NEK11: variants seen among roughly 807,000 people sequenced by gnomAD.
NEK11 encodes serine/threonine-protein kinase Nek11.
A neutral mutation model predicts 80.7 loss-of-function variants in NEK11; 72 were observed. That is an observed-to-expected ratio of 0.89 (90% CI 0.74 to 1.08). The LOEUF is 1.08. Among genes scored for constraint, NEK11 ranks in the 50% least tolerant of loss-of-function variants. NEK11 has a pLI of 0.00. For missense variants in NEK11, 764 were observed against 763.6 expected (o/e 1.00, Z -0.01); for synonymous variants, 251 against 260.7 (o/e 0.96, Z 0.36).
chr3:131,225,233 T>G (rs139759310), intron 14 of NEK11, among the ~76,000 whole-genome samples: 31 of 152,346 alleles, frequency 2.0e-4, no homozygotes, highest in African/African-American at 6.5e-4. Context: ...ACCACTGTAT[T>G]ACAATTGTCT....
intron 17 of NEK11, among the ~76,000 whole-genome samples, chr3:131,287,981 T>C (rs1363144868): frequency 6.6e-6 from 1 of 152,174 alleles, no homozygotes; most frequent in Non-Finnish European, 1.5e-5. Context: ...CCAATATTCA[T>C]AAAAAACCTG....
chr3:131,306,002 T>TA (rs1365514271), intron 17 of NEK11, among the ~76,000 whole-genome samples: 1 of 152,208 alleles, frequency 6.6e-6, no homozygotes, highest in East Asian at 1.9e-4. Flanking sequence ...CCTTGTTTTT[T>TA]ATCTCTAGCA....
intron 4 of NEK11, among the ~76,000 whole-genome samples, chr3:131,090,613 GAGAA>G (rs1242068889): frequency 6.6e-6 from 1 of 152,154 alleles, no homozygotes; most frequent in African/African-American, 2.4e-5. Flanking sequence ...AGACAGCTTA[GAGAA>G]AGAAAGTAAT....
At chr3:131,119,803 A>ATGTTT (rs2082047231) in intron 5 of NEK11, among the ~76,000 whole-genome samples, 2 of 151,028 alleles carry the variant, frequency 1.3e-5, no homozygotes, top group African/African-American at 4.9e-5. Flanking sequence ...CCCTGCTTTT[A>ATGTTT]TGTTTTGTTT....
intron 14 of NEK11, among the ~76,000 whole-genome samples, chr3:131,209,701 G>C (rs949741804): frequency 1.3e-5 from 2 of 152,124 alleles, no homozygotes; most frequent in Admixed American, 6.5e-5. Flanking sequence ...CTTCTTCCTG[G>C]TTTAGTCTTG....
chr3:131,055,992 A>G (rs1240199172), intron 3 of NEK11, among the ~76,000 whole-genome samples: 4 of 152,184 alleles, frequency 2.6e-5, no homozygotes, highest in African/African-American at 4.8e-5. Flanking sequence ...CAATAGTGCA[A>G]AGAGACCAAG....
At chr3:131,128,993 A>G (rs536384561) in intron 5 of NEK11, among the ~76,000 whole-genome samples, 1 of 150,442 alleles carries the variant, frequency 6.6e-6, no homozygotes, top group South Asian at 2.1e-4. Flanking sequence ...CCATTTTAAA[A>G]CCAGATTATT....
intron 16 of NEK11, among the ~76,000 whole-genome samples, chr3:131,253,414 AG>A (rs2095746162): frequency 4.6e-5 from 7 of 152,156 alleles, no homozygotes; most frequent in Admixed American, 4.6e-4. Flanking sequence ...AAAAGGGAAC[AG>A]AAAAAAAGTC....
At chr3:131,347,342 A>G (rs1348733912) in intron 17 of NEK11, among the ~76,000 whole-genome samples, 1 of 152,250 alleles carries the variant, frequency 6.6e-6, no homozygotes, top group Non-Finnish European at 1.5e-5. Context: ...GAAATAATGA[A>G]TGCAAAAGCA....
At chr3:131,088,498 TG>T (rs1252397332) in intron 4 of NEK11, among the ~76,000 whole-genome samples, 1 of 152,206 alleles carries the variant, frequency 6.6e-6, no homozygotes, top group Non-Finnish European at 1.5e-5. Flanking sequence ...TTATGACATT[TG>T]GGGTAAGGCT....
chr3:131,081,805 A>C (rs1315750606), intron 4 of NEK11, among the ~76,000 whole-genome samples: 1 of 152,130 alleles, frequency 6.6e-6, no homozygotes, highest in Admixed American at 6.5e-5. Flanking sequence ...ACTCGACCTA[A>C]CTTGAAGGTG....
intron 17 of NEK11, among the ~76,000 whole-genome samples, chr3:131,277,087 C>T (rs1008628250): frequency 6.6e-6 from 1 of 152,160 alleles, no homozygotes; most frequent in African/African-American, 2.4e-5. Flanking sequence ...TGGTAGCCTA[C>T]ATAAGAAATA....
chr3:131,152,786 T>A, intron 9 of NEK11, 77 bp downstream of exon 9: 1 of 1,020,782 alleles, frequency 9.8e-7, no homozygotes, highest in Non-Finnish European at 1.5e-6. Flanking sequence ...AGATATGCAG[T>A]GGGGATATGA....
At chr3:131,258,709 T>A (rs920806667) in intron 16 of NEK11, among the ~76,000 whole-genome samples, 14 of 152,244 alleles carry the variant, frequency 9.2e-5, no homozygotes, top group Admixed American at 6.5e-5. Context: ...TTAACTCTTG[T>A]TGTTTTTAAT....
At chr3:131,095,774 A>G (rs1417708470) in intron 4 of NEK11, among the ~76,000 whole-genome samples, 1 of 152,204 alleles carries the variant, frequency 6.6e-6, no homozygotes, top group African/African-American at 2.4e-5. Context: ...CCTTTGAGAA[A>G]TTCCAGAAGT....
chr3:131,292,749 T>A (rs2096556716), intron 17 of NEK11, among the ~76,000 whole-genome samples: 1 of 152,216 alleles, frequency 6.6e-6, no homozygotes, highest in South Asian at 2.1e-4. Flanking sequence ...TCCATTTTTT[T>A]AGTTCTTCTT....
At chr3:131,093,945 G>A (rs778671612) in intron 4 of NEK11, among the ~76,000 whole-genome samples, 9 of 149,812 alleles carry the variant, frequency 6.0e-5, no homozygotes, top group Non-Finnish European at 1.2e-4. Context: ...AGTGACAGAG[G>A]AGAACAGTCT....
chr3:131,222,779 C>T (rs866623465), intron 14 of NEK11, among the ~76,000 whole-genome samples: 1 of 152,184 alleles, frequency 6.6e-6, no homozygotes, highest in African/African-American at 2.4e-5. Flanking sequence ...TCTCAGGTAC[C>T]ACACCAGACC....
At chr3:131,155,804 C>G (rs1200269690) in intron 10 of NEK11, among the ~76,000 whole-genome samples, 1 of 152,170 alleles carries the variant, frequency 6.6e-6, no homozygotes, top group Non-Finnish European at 1.5e-5. Flanking sequence ...TGATCTAGCA[C>G]AAATATACTC....
Sources: allele counts gnomAD v4.1 joint callset (sites outside exome capture counted in the v4.1 genomes callset), GRCh38; gene constraint gnomAD v4.1.1; transcripts MANE v1.5; gene names NCBI Gene and HGNC (gene_info 2026-07-23, HGNC 2026-07-21).